KIF17: variants seen among roughly 807,000 people sequenced by gnomAD.
The protein encoded by KIF17 is kinesin family member 17, also known as kinesin-like protein KIF17.
Under a neutral mutation model 96.8 loss-of-function variants are expected in KIF17, and 80 were observed. That is an observed-to-expected ratio of 0.83 (90% CI 0.69 to 1.00). The LOEUF (loss-of-function observed/expected upper bound fraction) is 1.00, where lower values mean the gene tolerates loss of function less well. Among genes scored for constraint, KIF17 ranks in the 50% least tolerant of loss-of-function variants. The pLI is 0.00. For missense variants in KIF17, 1,280 were observed against 1,372.9 expected (o/e 0.93, Z 1.07); for synonymous variants, 567 against 587.5 (o/e 0.97, Z 0.51).
chr1:20,715,323 T>G (rs549714128), intron 2 of KIF17, among the ~76,000 whole-genome samples, 170 bp downstream of exon 2: 1 of 152,320 alleles, frequency 6.6e-6, no homozygotes, highest in South Asian at 2.1e-4. Flanking sequence ...CAGAATTTTC[T>G]CTGTTCTAAG....
chr1:20,671,583 C>A (rs904778868), intron 12 of KIF17, among the ~76,000 whole-genome samples: 1 of 152,132 alleles, frequency 6.6e-6, no homozygotes, highest in Non-Finnish European at 1.5e-5. Context: ...AATCTGCCAG[C>A]CTTAGCCTCC....
At position 20,699,636 on chromosome 1, in the gene KIF17, A is replaced by C. The variant is rs964381054; in HGVS notation, c.1124-1148T>G. Reference sequence around the variant, plus strand: ...AAGGCATGAAGGAAGCAGCGAGGAGAGGGCGGGCACAGGAGGAGCTTGCTA... The same window carrying C: ...AAGGCATGAAGGAAGCAGCGAGGAGCGGGCGGGCACAGGAGGAGCTTGCTA... On this transcript the variant is annotated intron_variant, in intron 5 of 14. Transcript: ENST00000400463. This position sits in a 1 kb window ranked among gnomAD's most constrained non-coding sequence, Gnocchi z 4.3. Among the ~76,000 whole-genome samples, 4 of 151,704 alleles carry C rather than the reference A, an allele frequency of 2.6e-5. No individual in the cohort carries two copies. Among genetic ancestry groups the C allele is most frequent in the African/African-American group, 9.7e-5 (4 of 41,034 alleles).
chr1:20,677,272 T>C (rs2053754437), intron 11 of KIF17, among the ~76,000 whole-genome samples: 1 of 152,186 alleles, frequency 6.6e-6, no homozygotes, highest in Non-Finnish European at 1.5e-5. Flanking sequence ...AACACATGGA[T>C]ACATGCTAGT....
At position 20,672,278 on chromosome 1, in the gene KIF17, C is replaced by A; in HGVS notation, c.2464-82G>T. The A allele has an allele frequency of 6.4e-7, 1 of 1,555,826 alleles. No individual in the cohort carries two copies. The highest frequency in any genetic ancestry group is 1.1e-5 in the South Asian group (1 of 87,208). ...ACCACCCTGTCCACTCACTGTCCTG[C>A]CAGCAGCCACGCATCGTCTGTTCAT... On this transcript the variant is annotated intron_variant, in intron 11 of 14. Transcript: ENST00000400463. This position sits in a 1 kb window ranked among gnomAD's most constrained non-coding sequence, Gnocchi z 4.3.
In KIF17 at chr1:20,685,199, A is replaced by T. The variant is rs2053916583; in HGVS notation, c.2020-179T>A. ...GCCCTGTTGAGTTCTTACTGCCGCT[A>T]TTCCCACTGACACCCCCACGCTAGG... On this transcript the variant is annotated intron_variant, in intron 9 of 14. Coordinates refer to ENST00000400463, the MANE Select transcript of KIF17 (RefSeq NM_001122819.3). This position sits in a 1 kb window ranked among gnomAD's most constrained non-coding sequence, Gnocchi z 4.1. 1.4e-6 allele frequency: 1 copy of T among 707,232 alleles called. No homozygotes were observed. The highest frequency in any genetic ancestry group is 2.6e-6 in the Non-Finnish European group (1 of 385,342). The allele number at this position is 707,232 out of a possible 1,614,324, so 43.8% of individuals were successfully genotyped here. A position where few individuals can be genotyped will look rare whatever the true frequency, so the allele number is the denominator to read the frequency against.
chr1:20,711,398 G>GGGA (rs2054434046), intron 3 of KIF17, among the ~76,000 whole-genome samples: 1 of 152,114 alleles, frequency 6.6e-6, no homozygotes, highest in Non-Finnish European at 1.5e-5. Context: ...CCGACGCCTG[G>GGGA]GGAGGCGCTG....
chr1:20,690,115 T>C, intron 7 of KIF17, 73 bp downstream of exon 7: 2 of 1,526,792 alleles, frequency 1.3e-6, no homozygotes, highest in Non-Finnish European at 1.8e-6. Context: ...TGCTCTGTGA[T>C]GCAGTTACTG....
At chr1:20,698,342 T>C (rs753196494) in intron 6 of KIF17, 37 bp downstream of exon 6, 23 of 1,478,538 alleles carry the variant, frequency 1.6e-5, no homozygotes, top group Non-Finnish European at 2.1e-5. Flanking sequence ...CCCACCTGCC[T>C]GTCCCTTCTC....
downstream of KIF17, among the ~76,000 whole-genome samples, chr1:20,663,097 G>A (rs944768744): frequency 3.3e-5 from 5 of 152,104 alleles, 1 homozygote; most frequent in East Asian, 3.9e-4. Context: ...GGTGGTGGGC[G>A]CCTGTAATCC....
At chr1:20,696,328 A>C (rs1472294079) in intron 6 of KIF17, among the ~76,000 whole-genome samples, 4 of 152,184 alleles carry the variant, frequency 2.6e-5, no homozygotes, top group Admixed American at 6.5e-5. Flanking sequence ...GAAAAAGAAC[A>C]AATGGCAGGC....
At chr1:20,673,955 G>T (rs887246097) in intron 11 of KIF17, among the ~76,000 whole-genome samples, 167 of 151,944 alleles carry the variant, frequency 1.1e-3, no homozygotes, top group African/African-American at 3.9e-3. Context: ...TAGAGACAGG[G>T]TCTCACTCTG....
intron 5 of KIF17, among the ~76,000 whole-genome samples, chr1:20,702,451 C>T (rs2054254373): frequency 6.6e-6 from 1 of 152,190 alleles, no homozygotes. Context: ...CCTCACCATT[C>T]TTGTCTTCCC....
At chr1:20,689,785 AC>A (rs1227245210) in intron 7 of KIF17, among the ~76,000 whole-genome samples, 1 of 127,336 alleles carries the variant, frequency 7.9e-6, no homozygotes, top group Non-Finnish European at 1.9e-5. Flanking sequence ...GTAAGAGGAG[AC>A]CGGAAAACAC....
chr1:20,703,496 A>C (rs1471850745), intron 5 of KIF17, among the ~76,000 whole-genome samples: 1 of 105,456 alleles, frequency 9.5e-6, no homozygotes, highest in Non-Finnish European at 2.2e-5. Flanking sequence ...AGATGGATGG[A>C]TGCATGGATG....
chr1:20,698,724 C>A (rs2054185088), intron 5 of KIF17, among the ~76,000 whole-genome samples: 1 of 152,100 alleles, frequency 6.6e-6, no homozygotes, highest in Non-Finnish European at 1.5e-5. Context: ...AACTCCACAC[C>A]CACGCTGAGT....
intron 3 of KIF17, among the ~76,000 whole-genome samples, chr1:20,711,449 GC>G (rs2054435094): frequency 6.6e-6 from 1 of 152,214 alleles, no homozygotes; most frequent in South Asian, 2.1e-4. Context: ...CTTGGTAACT[GC>G]TCATCTCTGC....
rs1254858814 is a variant in KIF17 at position 20,687,003 on chromosome 1, C to CT, written c.1938+384dup. Among the ~76,000 whole-genome samples the CT allele has an allele frequency of 3.9e-5, 6 of 152,288 alleles. No individual in the cohort carries two copies. The South Asian group carries it at 1.0e-3, about 26-fold the overall frequency. Reference sequence around the variant, plus strand: ...GGATTCCCACAGACCCCCCACCCAGCTCACTACAGAGCTCACGAGCCAGTG... The same window carrying CT: ...GGATTCCCACAGACCCCCCACCCAGCTTCACTACAGAGCTCACGAGCCAGTG... On this transcript the variant is annotated intron_variant, in intron 8 of 14. Transcript: ENST00000400463. The surrounding 1 kb of genome is among the most constrained non-coding windows in gnomAD (Gnocchi z 4.4).
intron 5 of KIF17, among the ~76,000 whole-genome samples, chr1:20,703,507 G>C (rs1045561354): frequency 1.3e-5 from 2 of 150,788 alleles, no homozygotes; most frequent in African/African-American, 4.9e-5. Context: ...TGCATGGATG[G>C]ATGGATGGAT....
intron 14 of KIF17, among the ~76,000 whole-genome samples, chr1:20,665,223 T>C (rs1246278983): frequency 2.5e-5 from 1 of 40,294 alleles, no homozygotes; most frequent in Non-Finnish European, 6.8e-5. Flanking sequence ...TTTGCTCTTT[T>C]TTTTTTTTTT....
Sources: allele counts gnomAD v4.1 joint callset (sites outside exome capture counted in the v4.1 genomes callset), GRCh38; gene constraint gnomAD v4.1.1; non-coding constraint Gnocchi (gnomAD v3.1); transcripts MANE v1.5; gene names NCBI Gene and HGNC (gene_info 2026-07-23, HGNC 2026-07-21).